Variants in RGL1 observed in about 807,000 individuals in gnomAD.
The protein encoded by RGL1 is ral guanine nucleotide dissociation stimulator-like 1.
Under a neutral mutation model 95.2 loss-of-function variants are expected in RGL1, and 24 were observed. The observed-to-expected ratio is 0.25, with a 90% confidence interval of 0.18 to 0.35. The LOEUF (loss-of-function observed/expected upper bound fraction) is 0.35. RGL1 is among the 10% of genes least tolerant of loss of function. The pLI is 1.00. For missense variants in RGL1, 715 were observed against 936.3 expected, an observed-to-expected ratio of 0.76 and a Z score of 3.08; for synonymous variants, 329 against 344.9, an observed-to-expected ratio of 0.95 and a Z score of 0.51.
At chr1:183,818,166 A>T (rs1324433513) in intron 2 of RGL1, among the ~76,000 whole-genome samples, 1 of 152,172 alleles carries the variant, frequency 6.6e-6, no homozygotes, top group East Asian at 1.9e-4. Context: ...CCAACCTGAA[A>T]TCACTATTAT....
In RGL1 at chr1:183,816,309, C is replaced by T. The variant is rs142295763; in HGVS notation, c.138+9824C>T. Reference sequence around the variant, plus strand: ...CAGTCGGAAACAATTTTTCTAAAAACTGCTTGGTAAGCATTATGCTAATCT... The same window carrying T: ...CAGTCGGAAACAATTTTTCTAAAAATTGCTTGGTAAGCATTATGCTAATCT... On this transcript the variant is annotated intron_variant, in intron 2 of 17. Transcript: ENST00000360851. Among the ~76,000 whole-genome samples, 181 of 152,326 alleles carry T rather than the reference C, an allele frequency of 1.2e-3. 1 individual carries two copies. The highest frequency in any genetic ancestry group is 4.1e-3 in the African/African-American group (172 of 41,576).
rs1334172214 is a variant in RGL1 at position 183,724,927 on chromosome 1, G to A, written c.-32-17199G>A. ...AGTCCCAGTGGTAGTGGCCACAGGG[G>A]TGGTTGTGTCATCTCTCCCCCAGCT... On this transcript the variant is annotated intron_variant, in intron 1 of 18. Transcript: ENST00000304685. This position sits in a 1 kb window ranked among gnomAD's most constrained non-coding sequence, Gnocchi z 4.1. 1.3e-5 allele frequency among the ~76,000 whole-genome samples: 2 copies of A among 151,664 alleles called. No individual in the cohort carries two copies. Among genetic ancestry groups the A allele is most frequent in the East Asian group, 2.0e-4 (1 of 5,114 alleles).
At chr1:183,832,138 C>G (rs1481918569) in intron 2 of RGL1, among the ~76,000 whole-genome samples, 5 of 152,024 alleles carry the variant, frequency 3.3e-5, no homozygotes, top group Admixed American at 3.3e-4. Flanking sequence ...TTACTCATAC[C>G]CAGTTATGGA....
intron 2 of RGL1, among the ~76,000 whole-genome samples, chr1:183,751,119 G>C (rs1016065025): frequency 6.6e-6 from 1 of 152,256 alleles, no homozygotes; most frequent in African/African-American, 2.4e-5. Context: ...TCTCTTCAGA[G>C]CTGGCAGGCA....
chr1:183,829,828 G>A (rs1663138003), intron 2 of RGL1, among the ~76,000 whole-genome samples: 1 of 145,920 alleles, frequency 6.9e-6, no homozygotes, highest in Non-Finnish European at 1.5e-5. Context: ...CATTTATCTG[G>A]TGCACACCTA....
At chr1:183,745,974 T>C (rs1046502578) in intron 2 of RGL1, among the ~76,000 whole-genome samples, 14 of 152,170 alleles carry the variant, frequency 9.2e-5, no homozygotes, top group African/African-American at 3.4e-4. Context: ...CCCACATTCT[T>C]TTGCTGTAGG....
At chr1:183,819,408 G>T (rs963116884) in intron 2 of RGL1, among the ~76,000 whole-genome samples, 1 of 152,128 alleles carries the variant, frequency 6.6e-6, no homozygotes, top group African/African-American at 2.4e-5. Flanking sequence ...ATAATATTTT[G>T]GGTATACTTT....
At chr1:183,890,628 G>A (rs1300336654) in intron 8 of RGL1, among the ~76,000 whole-genome samples, 2 of 152,086 alleles carry the variant, frequency 1.3e-5, no homozygotes, top group Non-Finnish European at 2.9e-5. Context: ...TATTTTGCAG[G>A]CATAAAAGGA....
chr1:183,813,593 A>T (rs774295289), intron 2 of RGL1, among the ~76,000 whole-genome samples: 1 of 152,236 alleles, frequency 6.6e-6, no homozygotes, highest in Non-Finnish European at 1.5e-5. Context: ...GAGAATAAAT[A>T]TGGAACCTGC....
At chr1:183,643,393 G>A (rs2101979521) in intron 1 of RGL1, among the ~76,000 whole-genome samples, 1 of 152,094 alleles carries the variant, frequency 6.6e-6, no homozygotes, top group East Asian at 1.9e-4. Flanking sequence ...CTGGGTTCAA[G>A]TGATTCTCCT....
chr1:183,782,335 T>G (rs1262618997), intron 2 of RGL1, among the ~76,000 whole-genome samples: 1 of 152,184 alleles, frequency 6.6e-6, no homozygotes, highest in African/African-American at 2.4e-5. Context: ...CAAGATAGAA[T>G]CTTTTTTGCT....
intron 1 of RGL1, among the ~76,000 whole-genome samples, chr1:183,703,983 A>G (rs963904761): frequency 6.6e-6 from 1 of 152,194 alleles, no homozygotes; most frequent in African/African-American, 2.4e-5. Context: ...AGAGTGAGGA[A>G]GAACGAAGCG....
chr1:183,909,068 G>A (rs1178041324), intron 14 of RGL1, among the ~76,000 whole-genome samples: 1 of 152,214 alleles, frequency 6.6e-6, no homozygotes, highest in Non-Finnish European at 1.5e-5. Flanking sequence ...TAGGTACTCA[G>A]TACATCTCTT....
chr1:183,654,959 C>G (rs1651039300), intron 1 of RGL1, among the ~76,000 whole-genome samples: 1 of 152,158 alleles, frequency 6.6e-6, no homozygotes, highest in South Asian at 2.1e-4. Flanking sequence ...AAGGCCTTTA[C>G]CATGGTTCCT....
chr1:183,682,976 G>C (rs1313290817), intron 1 of RGL1, among the ~76,000 whole-genome samples: 1 of 151,496 alleles, frequency 6.6e-6, no homozygotes, highest in East Asian at 1.9e-4. Flanking sequence ...TTTTATCAGA[G>C]ACGAGGATTG....
At chr1:183,854,713 A>G (rs1460618123) in intron 3 of RGL1, among the ~76,000 whole-genome samples, 2 of 152,168 alleles carry the variant, frequency 1.3e-5, no homozygotes, top group Non-Finnish European at 2.9e-5. Flanking sequence ...GGTTAAGAAC[A>G]TGGGCTTAGG....
At chr1:183,795,303 A>C (rs557672029) in intron 2 of RGL1, among the ~76,000 whole-genome samples, 14 of 152,378 alleles carry the variant, frequency 9.2e-5, no homozygotes, top group Admixed American at 2.6e-4. Flanking sequence ...GCTTTGATAG[A>C]GTTAACAGTC....
intron 2 of RGL1, among the ~76,000 whole-genome samples, chr1:183,756,613 C>A (rs1658353673): frequency 6.6e-6 from 1 of 152,186 alleles, no homozygotes; most frequent in Admixed American, 6.5e-5. Flanking sequence ...CTCTCTAGCC[C>A]AGATTGCTGT....
At chr1:183,888,612 G>T in intron 8 of RGL1, 35 bp downstream of exon 8, 1 of 1,384,962 alleles carries the variant, frequency 7.2e-7, no homozygotes, top group Non-Finnish European at 1.0e-6. Flanking sequence ...CTTTTCTTTG[G>T]CCGGGATAAT....
Sources: allele counts gnomAD v4.1 joint callset (sites outside exome capture counted in the v4.1 genomes callset), GRCh38; gene constraint gnomAD v4.1.1; non-coding constraint Gnocchi (gnomAD v3.1); transcripts MANE v1.5; gene names NCBI Gene and HGNC (gene_info 2026-07-23, HGNC 2026-07-21).